Variants in PDE1C observed in about 807,000 individuals in gnomAD.
PDE1C encodes the protein dual specificity calcium/calmodulin-dependent 3',5'-cyclic nucleotide phosphodiesterase 1C.
In PDE1C, 62 loss-of-function variants were observed where a neutral mutation model predicts 93.1. The ratio of observed to expected loss-of-function variants is 0.67; its 90% CI spans 0.54 to 0.82. The LOEUF (loss-of-function observed/expected upper bound fraction) is 0.82. Ranked by LOEUF, PDE1C falls within the 40% of genes least tolerant of loss-of-function variation. The pLI is 0.00. For synonymous variants in PDE1C, 325 were observed against 310.1 expected (o/e 1.05, Z -0.50); for missense variants, 742 against 884.6 (o/e 0.84, Z 2.04).
chr7:31,950,415 A>T (rs1033579505), intron 2 of PDE1C, among the ~76,000 whole-genome samples: 30 of 152,262 alleles, frequency 2.0e-4, no homozygotes, highest in African/African-American at 6.7e-4. Context: ...GATTTCAATA[A>T]ACTGAAGCAT....
At chr7:31,806,936 C>G (rs1786913977) in intron 16 of PDE1C, among the ~76,000 whole-genome samples, 1 of 151,832 alleles carries the variant, frequency 6.6e-6, no homozygotes, top group African/African-American at 2.4e-5. Context: ...TCCTGATCTA[C>G]ATATTTCCTT....
chr7:32,023,286 T>C (rs17336609), intron 2 of PDE1C, among the ~76,000 whole-genome samples: 11,378 of 152,212 alleles, frequency 0.075, 510 homozygotes, highest in Non-Finnish European at 0.092. Flanking sequence ...TTATGACCCA[T>C]GATGTTGGTT....
chr7:32,069,650 G>C (rs887685770), intron 1 of PDE1C, among the ~76,000 whole-genome samples: 3 of 152,096 alleles, frequency 2.0e-5, no homozygotes, highest in Non-Finnish European at 4.4e-5. Context: ...GAAATTCAGA[G>C]ATCTCCATCC....
chr7:32,408,106 G>A (rs1785093984), intron 1 of PDE1C, among the ~76,000 whole-genome samples: 1 of 152,172 alleles, frequency 6.6e-6, no homozygotes, highest in South Asian at 2.1e-4. Context: ...TAAGAAAGAT[G>A]ATACTGGGCA....
At chr7:32,237,767 T>TATACAC (rs1252747319) in intron 1 of PDE1C, among the ~76,000 whole-genome samples, 2 of 40,506 alleles carry the variant, frequency 4.9e-5, no homozygotes, top group Non-Finnish European at 9.0e-5. Flanking sequence ...TATATACTTT[T>TATACAC]TTTTTTTTTT....
chr7:32,209,632 A>G (rs750423177), intron 1 of PDE1C: 10 of 1,055,302 alleles, frequency 9.5e-6, no homozygotes, highest in African/African-American at 1.6e-5. Context: ...ATGCTTTGAC[A>G]TCGGGCTGTA....
the PDE1C span, among the ~76,000 whole-genome samples, chr7:31,694,131 A>T: frequency 6.6e-6 from 1 of 152,238 alleles, no homozygotes; most frequent in Non-Finnish European, 1.5e-5. Context: ...AGACATATGC[A>T]GAAATAATAA....
At chr7:31,825,105 T>G (rs749639325) in intron 12 of PDE1C, 118 bp from the exon 13 acceptor site, 2 of 1,214,330 alleles carry the variant, frequency 1.6e-6, no homozygotes, top group Non-Finnish European at 2.3e-6. Flanking sequence ...GGCTTGATCT[T>G]ATGTACTGTA....
rs370204188 is a variant in PDE1C at position 32,093,811 on chromosome 7, C to T, written c.308+75974G>A. Among the ~76,000 whole-genome samples the T allele has an allele frequency of 7.9e-5, 12 of 152,354 alleles. No homozygotes were observed. In the East Asian group the frequency reaches 1.7e-3, roughly 22 times the overall value. ...AGCTGTGCCAGGGGCCAGAACCCCT[C>T]GCTGAAAGCTGCTGTGTGCTCTGGG... On this transcript the variant is annotated intron_variant, in intron 3 of 18. Transcript: ENST00000396193.
intron 3 of PDE1C, among the ~76,000 whole-genome samples, chr7:32,120,566 A>G (rs1799240361): frequency 6.6e-6 from 1 of 152,168 alleles, no homozygotes; most frequent in East Asian, 1.9e-4. Context: ...CTTGAGTGAT[A>G]TCTCCAGGCA....
chr7:32,377,243 A>G (rs2128089278), intron 1 of PDE1C, among the ~76,000 whole-genome samples: 1 of 152,254 alleles, frequency 6.6e-6, no homozygotes, highest in Non-Finnish European at 1.5e-5. Context: ...TCTCTGGGAA[A>G]GAGTTCAGGA....
intron 16 of PDE1C, 65 bp downstream of exon 16, chr7:31,808,966 A>C: frequency 2.2e-6 from 2 of 925,514 alleles, no homozygotes; most frequent in Non-Finnish European, 3.5e-6. Flanking sequence ...TTTGGGTATG[A>C]TTCTAACAAG....
the PDE1C span, among the ~76,000 whole-genome samples, chr7:31,621,960 C>G: frequency 6.8e-6 from 1 of 147,536 alleles, no homozygotes; most frequent in African/African-American, 2.5e-5. Flanking sequence ...CAATCCTAGT[C>G]TCTGATAAAA....
At chr7:31,780,750 TAG>T in intron 16 of PDE1C, among the ~76,000 whole-genome samples, 1 of 152,244 alleles carries the variant, frequency 6.6e-6, no homozygotes, top group South Asian at 2.1e-4. Context: ...TTATTTGTTT[TAG>T]AAAGGTGTGT....
At chr7:32,089,402 C>T (rs142124560) in intron 3 of PDE1C, among the ~76,000 whole-genome samples, 1 of 152,256 alleles carries the variant, frequency 6.6e-6, no homozygotes, top group East Asian at 1.9e-4. Flanking sequence ...GAGAGGCTAG[C>T]TCTGTGTCTG....
intron 1 of PDE1C, among the ~76,000 whole-genome samples, chr7:32,264,045 C>T (rs1392904490): frequency 6.6e-6 from 1 of 151,726 alleles, no homozygotes; most frequent in Non-Finnish European, 1.5e-5. Flanking sequence ...AAATTCCACC[C>T]ACCCCCTTAG....
At chr7:32,213,306 C>T (rs1806188966) in intron 1 of PDE1C, among the ~76,000 whole-genome samples, 1 of 152,182 alleles carries the variant, frequency 6.6e-6, no homozygotes, top group South Asian at 2.1e-4. Context: ...CCCCGTCCCA[C>T]ATGACAGCCA....
intron 1 of PDE1C, among the ~76,000 whole-genome samples, chr7:32,345,798 G>A (rs1783842510): frequency 1.3e-5 from 2 of 152,118 alleles, no homozygotes; most frequent in Non-Finnish European, 2.9e-5. Flanking sequence ...ACCACAATGA[G>A]ATACCACCAC....
chr7:32,366,073 GA>G (rs998117648), intron 1 of PDE1C, among the ~76,000 whole-genome samples: 1 of 151,946 alleles, frequency 6.6e-6, no homozygotes, highest in African/African-American at 2.4e-5. Flanking sequence ...TCCAATAACA[GA>G]CCCCAATCAT....
Sources: allele counts gnomAD v4.1 joint callset (sites outside exome capture counted in the v4.1 genomes callset), GRCh38; gene constraint gnomAD v4.1.1; transcripts MANE v1.5; gene names NCBI Gene and HGNC (gene_info 2026-07-23, HGNC 2026-07-21).